PCDH9: variants seen among roughly 807,000 people sequenced by gnomAD.
PCDH9 encodes the protein protocadherin-9.
In PCDH9, 24 loss-of-function variants were observed where a neutral mutation model predicts 70.6. The observed-to-expected ratio is 0.34, with a 90% confidence interval of 0.25 to 0.48. The LOEUF (loss-of-function observed/expected upper bound fraction) is 0.48, where lower values mean the gene tolerates loss of function less well. Among genes scored for constraint, PCDH9 ranks in the 20% least tolerant of loss-of-function variants. PCDH9 has a pLI of 0.99. For synonymous variants in PCDH9, 562 were observed against 558.5 expected, an observed-to-expected ratio of 1.01 and a Z score of -0.09; for missense variants, 1,281 against 1,503.6, an observed-to-expected ratio of 0.85 and a Z score of 2.45.
intron 3 of PCDH9, among the ~76,000 whole-genome samples, chr13:66,764,783 C>T (rs1229306680): frequency 1.3e-5 from 2 of 151,878 alleles, no homozygotes; most frequent in Non-Finnish European, 2.9e-5. Context: ...TTATTAGATG[C>T]ACACTGATTA....
intron 4 of PCDH9, among the ~76,000 whole-genome samples, chr13:66,560,840 A>G (rs1961979366): frequency 6.6e-6 from 1 of 152,194 alleles, no homozygotes; most frequent in South Asian, 2.1e-4. Flanking sequence ...ATCATTCCAG[A>G]AGTCCGGAAT....
chr13:67,107,979 C>G (rs932430848), intron 2 of PCDH9, among the ~76,000 whole-genome samples: 1 of 152,176 alleles, frequency 6.6e-6, no homozygotes, highest in South Asian at 2.1e-4. Context: ...TGCAGTACAT[C>G]TGGTCCAGCC....
chr13:67,008,031 T>C (rs1472596261), intron 2 of PCDH9, among the ~76,000 whole-genome samples: 3 of 151,714 alleles, frequency 2.0e-5, no homozygotes, highest in East Asian at 1.9e-4. Flanking sequence ...ATATTTATTA[T>C]ATATATACTG....
intron 2 of PCDH9, among the ~76,000 whole-genome samples, chr13:66,944,817 C>CTGTG (rs67182136): frequency 0.34 from 45,527 of 135,036 alleles, 8,180 homozygotes; most frequent in South Asian, 0.43. Context: ...CTAATCGTCT[C>CTGTG]TGTGTGTGTG....
intron 3 of PCDH9, among the ~76,000 whole-genome samples, chr13:66,854,274 T>G (rs976853420): frequency 6.6e-6 from 1 of 152,186 alleles, no homozygotes; most frequent in African/African-American, 2.4e-5. Flanking sequence ...AGCAGTATAG[T>G]CATGGCTGCT....
intron 3 of PCDH9, among the ~76,000 whole-genome samples, chr13:66,686,730 T>G (rs2078408753): frequency 6.6e-6 from 1 of 152,132 alleles, no homozygotes; most frequent in African/African-American, 2.4e-5. Flanking sequence ...TGAATAATTT[T>G]CTAATAAACA....
intron 2 of PCDH9, among the ~76,000 whole-genome samples, chr13:67,056,278 T>C (rs540361173): frequency 4.8e-4 from 73 of 152,318 alleles, no homozygotes; most frequent in Non-Finnish European, 9.6e-4. Context: ...AAAAATGTGA[T>C]TATTTCTGGA....
chr13:66,402,738 T>C (rs899657795), intron 4 of PCDH9, among the ~76,000 whole-genome samples: 1 of 152,194 alleles, frequency 6.6e-6, no homozygotes, highest in Non-Finnish European at 1.5e-5. Flanking sequence ...TCATGTTGAC[T>C]CTTGACTTAG....
At chr13:66,913,452 G>A (rs1379319068) in intron 2 of PCDH9, among the ~76,000 whole-genome samples, 1 of 151,776 alleles carries the variant, frequency 6.6e-6, no homozygotes, top group Admixed American at 6.6e-5. Flanking sequence ...TTTAATTACC[G>A]ATTTAGAGTA....
intron 3 of PCDH9, among the ~76,000 whole-genome samples, chr13:66,892,306 A>G (rs2082110016): frequency 6.6e-6 from 1 of 150,592 alleles, no homozygotes; most frequent in Non-Finnish European, 1.5e-5. Context: ...ACCTTTATCA[A>G]GTATACTTTA....
At chr13:67,146,870 T>C (rs964863078) in intron 2 of PCDH9, among the ~76,000 whole-genome samples, 2 of 152,204 alleles carry the variant, frequency 1.3e-5, no homozygotes, top group Non-Finnish European at 2.9e-5. Flanking sequence ...AAAGTAAATA[T>C]TGAAGTTTTC....
intron 3 of PCDH9, among the ~76,000 whole-genome samples, chr13:66,743,552 G>T (rs2079306572): frequency 1.3e-5 from 2 of 152,180 alleles, no homozygotes; most frequent in South Asian, 2.1e-4. Flanking sequence ...AATTAGACAG[G>T]AGGAATAAGG....
At chr13:66,927,251 A>G (rs768461952) in intron 2 of PCDH9, among the ~76,000 whole-genome samples, 4 of 152,054 alleles carry the variant, frequency 2.6e-5, no homozygotes, top group African/African-American at 9.7e-5. Context: ...TTGCAGGGAC[A>G]TAGGTGGAGC....
chr13:66,829,737 A>AT (rs1402573220), intron 3 of PCDH9, among the ~76,000 whole-genome samples: 1 of 147,652 alleles, frequency 6.8e-6, no homozygotes, highest in Non-Finnish European at 1.5e-5. Context: ...AAAAAAAAAA[A>AT]AAAAAAAAAT....
intron 2 of PCDH9, among the ~76,000 whole-genome samples, chr13:67,130,272 A>G (rs1006999758): frequency 2.0e-5 from 3 of 152,194 alleles, no homozygotes; most frequent in African/African-American, 7.2e-5. Context: ...GCTACTAGAA[A>G]CAAAACACAT....
At chr13:66,522,270 G>A (rs2138612064) in intron 4 of PCDH9, among the ~76,000 whole-genome samples, 1 of 151,832 alleles carries the variant, frequency 6.6e-6, no homozygotes, top group African/African-American at 2.4e-5. Flanking sequence ...ATACATGACT[G>A]GGAACCAAAA....
chr13:66,700,730 C>A (rs2078626974), intron 3 of PCDH9, among the ~76,000 whole-genome samples: 1 of 151,872 alleles, frequency 6.6e-6, no homozygotes, highest in Admixed American at 6.6e-5. Context: ...TTGGCAAAAT[C>A]TGCTGCCCTA....
intron 4 of PCDH9, among the ~76,000 whole-genome samples, chr13:66,324,940 A>G (rs918024584): frequency 2.6e-5 from 4 of 151,962 alleles, no homozygotes; most frequent in African/African-American, 9.7e-5. Context: ...AGCGTCTGTC[A>G]TCTCTCACTT....
At chr13:66,578,138 T>C (rs1380734209) in intron 4 of PCDH9, among the ~76,000 whole-genome samples, 1 of 152,082 alleles carries the variant, frequency 6.6e-6, no homozygotes, top group Non-Finnish European at 1.5e-5. Flanking sequence ...GTAAAAAATA[T>C]AATTTACAAA....
Sources: gnomAD v4.1 joint callset for allele counts (sites outside exome capture counted in the v4.1 genomes callset) on GRCh38, gnomAD v4.1.1 for gene constraint, MANE v1.5 for transcripts, NCBI Gene and HGNC (gene_info 2026-07-23, HGNC 2026-07-21) for gene names.